Variants in KPNA7 observed in about 807,000 individuals in gnomAD.
KPNA7 encodes the protein importin subunit alpha-8.
KPNA7 carries 54 observed loss-of-function variants against 53.7 expected under a neutral mutation model. That is an observed-to-expected ratio of 1.01 (90% CI 0.81 to 1.26). The LOEUF (loss-of-function observed/expected upper bound fraction) is 1.26, where lower values mean the gene tolerates loss of function less well. Ranked by LOEUF, KPNA7 falls within the 50% of genes most tolerant of loss-of-function variation. The probability of loss-of-function intolerance (pLI) is 0.00; values close to 1 mark genes in which losing one functional copy is unlikely to be tolerated. For synonymous variants in KPNA7, 276 were observed against 259.3 expected, an observed-to-expected ratio of 1.06 and a Z score of -0.62; for missense variants, 640 against 644.5, an observed-to-expected ratio of 0.99 and a Z score of 0.07.
At chr7:99,209,544 G>A (rs1044613037), upstream of KPNA7, among the ~76,000 whole-genome samples, 3 of 151,774 alleles carry the variant, frequency 2.0e-5, no homozygotes, top group Admixed American at 1.3e-4. Context: ...TTAGCCAGGC[G>A]TAGTGGCAGG....
chr7:99,199,196 A>G (rs1790386027), intron 3 of KPNA7, among the ~76,000 whole-genome samples: 1 of 152,108 alleles, frequency 6.6e-6, no homozygotes, highest in South Asian at 2.1e-4. Flanking sequence ...TATAGGTTCA[A>G]TGCAATCTCC....
Position 99,219,169 on chromosome 7 carries a change from C to T in KPNA7, c.-23-11680G>A, listed in dbSNP as rs549338053. Among the ~76,000 whole-genome samples the T allele has an allele frequency of 5.3e-5, 8 of 152,310 alleles. No homozygotes were observed. The East Asian group carries it at 1.2e-3, about 22-fold the overall frequency. On this transcript the variant is annotated intron_variant, in intron 1 of 10. Transcript: ENST00000681060. ...TGAGTTGGTCAGGGAGGCTGAGGGG[C>T]GAGGCCCGGGTCTCCCAGGTGAGTC...
the KPNA7 span, among the ~76,000 whole-genome samples, chr7:99,154,525 T>C: frequency 6.6e-6 from 1 of 151,178 alleles, no homozygotes; most frequent in East Asian, 2.0e-4. Flanking sequence ...TTCAGAAACT[T>C]AGGTCTTTTT....
At chr7:99,146,055 C>A in the KPNA7 span, among the ~76,000 whole-genome samples, 2 of 152,196 alleles carry the variant, frequency 1.3e-5, no homozygotes, top group African/African-American at 4.8e-5. Context: ...CATCCAGTCT[C>A]TAATGCTCCC....
upstream of KPNA7, among the ~76,000 whole-genome samples, chr7:99,212,506 G>T (rs894091441): frequency 6.6e-6 from 1 of 151,350 alleles, no homozygotes; most frequent in South Asian, 2.1e-4. Context: ...CACCCGCCTC[G>T]GTCCCCCAAA....
chr7:99,159,348 CAAAAAAAAAAA>C, the KPNA7 span, among the ~76,000 whole-genome samples: 3 of 58,150 alleles, frequency 5.2e-5, no homozygotes, highest in Admixed American at 2.2e-4. Flanking sequence ...GACACTGTCT[CAAAAAAAAAAA>C]AAAAAAAAAA....
the KPNA7 span, among the ~76,000 whole-genome samples, chr7:99,158,287 G>T: frequency 1.7e-4 from 26 of 152,006 alleles, no homozygotes; most frequent in Non-Finnish European, 2.6e-4. Flanking sequence ...CTTTAAACTG[G>T]ATCAGTTTTC....
the KPNA7 span, among the ~76,000 whole-genome samples, chr7:99,167,100 C>G: frequency 2.0e-5 from 3 of 152,244 alleles, no homozygotes; most frequent in South Asian, 6.2e-4. Context: ...ATGACGCTCT[C>G]CAACCTCAGC....
the KPNA7 span, among the ~76,000 whole-genome samples, chr7:99,162,037 A>ATTTTTTTTT: frequency 2.8e-5 from 3 of 106,920 alleles, no homozygotes; most frequent in East Asian, 5.6e-4. Flanking sequence ...CAAGATTGCA[A>ATTTTTTTTT]TTTTTTTTTT....
intron 3 of KPNA7, among the ~76,000 whole-genome samples, chr7:99,200,774 G>C (rs143393115): frequency 6.6e-6 from 1 of 152,090 alleles, no homozygotes; most frequent in African/African-American, 2.4e-5. Context: ...TCAGGAGTTC[G>C]AGACCAGCCT....
chr7:99,184,858 T>C (rs1789492147), intron 8 of KPNA7, 71 bp downstream of exon 8: 2 of 1,267,804 alleles, frequency 1.6e-6, no homozygotes, highest in Non-Finnish European at 2.2e-6. Flanking sequence ...TGTGTCTGGA[T>C]TCCTGAAGGA....
At chr7:99,202,904 T>C (rs1470895988) in intron 3 of KPNA7, among the ~76,000 whole-genome samples, 1 of 152,074 alleles carries the variant, frequency 6.6e-6, no homozygotes, top group Non-Finnish European at 1.5e-5. Flanking sequence ...GAATCTAGAT[T>C]CCACAGACTC....
At chr7:99,160,277 C>T in the KPNA7 span, among the ~76,000 whole-genome samples, 4 of 152,070 alleles carry the variant, frequency 2.6e-5, no homozygotes, top group Admixed American at 6.6e-5. Flanking sequence ...CCGCCCGCCT[C>T]GGCCTCCCAA....
the KPNA7 span, among the ~76,000 whole-genome samples, chr7:99,162,888 A>C: frequency 6.6e-6 from 1 of 152,176 alleles, no homozygotes; most frequent in Non-Finnish European, 1.5e-5. Flanking sequence ...TTTGAAAAAA[A>C]GTATATGTAA....
rs547716462 is a variant in KPNA7, at chr7:99,207,547, C to G, written c.-23-58G>C. Reference sequence around the variant, plus strand: ...GTGCCCATTGTGTGGGTTATTATGTCAGTATCATAAGGCTCTAACCCTTAA... The same window carrying G: ...GTGCCCATTGTGTGGGTTATTATGTGAGTATCATAAGGCTCTAACCCTTAA... On this transcript the variant is annotated intron_variant, in intron 1 of 10. Transcript: ENST00000327442. 11 of 714,998 alleles carry G rather than the reference C, an allele frequency of 1.5e-5. No individual in the cohort carries two copies. In the South Asian group the frequency reaches 1.6e-4, roughly 10 times the overall value. The allele number at this position is 714,998 out of a possible 1,614,324, so 44.3% of individuals were successfully genotyped here.
At chr7:99,163,372 TATATA>T in the KPNA7 span, among the ~76,000 whole-genome samples, 1 of 59,788 alleles carries the variant, frequency 1.7e-5, no homozygotes, top group Non-Finnish European at 3.5e-5. Flanking sequence ...TATATATATA[TATATA>T]TATATATTTT....
Position 99,173,813 on chromosome 7 carries a change from A to T in KPNA7, c.1465-19T>A, listed in dbSNP as rs374674531. The stretch of plus-strand genomic sequence containing the variant: ...CTTCTTCCTTCAGGAGAGAATAGAC[A>T]CTGTTATACCTCCAGGATTCTCAGC... On this transcript the variant is annotated intron_variant, in intron 10 of 10. Coordinates refer to ENST00000327442, the MANE Select transcript of KPNA7 (RefSeq NM_001145715.3). The T allele has an allele frequency of 1.2e-4, 163 of 1,404,864 alleles. 1 individual carries two copies. The East Asian group carries it at 2.1e-3, about 18-fold the overall frequency. The allele number at this position is 1,404,864 out of a possible 1,614,324, so 87.0% of individuals were successfully genotyped here.
chr7:99,172,541 A>G (rs930655615), downstream of KPNA7, among the ~76,000 whole-genome samples: 1 of 152,084 alleles, frequency 6.6e-6, no homozygotes, highest in African/African-American at 2.4e-5. Flanking sequence ...GTAAGACCCC[A>G]TCTCTACAGA....
At chr7:99,170,327 T>C (rs561580709), downstream of KPNA7, among the ~76,000 whole-genome samples, 6 of 152,150 alleles carry the variant, frequency 3.9e-5, no homozygotes, top group African/African-American at 1.2e-4. Context: ...AAGGGAAGCC[T>C]GTGAAAACAA....
Sources: allele counts gnomAD v4.1 joint callset (sites outside exome capture counted in the v4.1 genomes callset), GRCh38; gene constraint gnomAD v4.1.1; transcripts MANE v1.5; gene names NCBI Gene and HGNC (gene_info 2026-07-23, HGNC 2026-07-21).